CLASP1: variants seen among roughly 807,000 people sequenced by gnomAD.
CLASP1 encodes the protein CLIP-associating protein 1.
CLASP1 carries 38 observed loss-of-function variants against 192.3 expected under a neutral mutation model. That is an observed-to-expected ratio of 0.20 (90% confidence interval 0.15 to 0.26). The LOEUF (loss-of-function observed/expected upper bound fraction) is 0.26, where lower values mean the gene tolerates loss of function less well. CLASP1 is among the 10% of genes least tolerant of loss of function. The probability of loss-of-function intolerance (pLI) is 1.00; values close to 1 mark genes in which losing one functional copy is unlikely to be tolerated. For synonymous variants in CLASP1, 691 were observed against 712.8 expected (o/e 0.97, Z 0.49); for missense variants, 1,433 against 1,932.5 (o/e 0.74, Z 4.85).
intron 8 of CLASP1, chr2:121,490,201 A>C (rs2093224449): frequency 4.9e-6 from 2 of 406,138 alleles, no homozygotes; most frequent in Admixed American, 6.2e-5. Flanking sequence ...AGGAATTATA[A>C]AATATTTAAG....
intron 7 of CLASP1, among the ~76,000 whole-genome samples, chr2:121,505,889 A>C (rs2093932585): frequency 1.3e-5 from 2 of 152,086 alleles, no homozygotes; most frequent in Non-Finnish European, 2.9e-5. Context: ...ATTTCCTGGA[A>C]GCAAATACTT....
chr2:121,628,914 T>C (rs936943346), intron 1 of CLASP1, among the ~76,000 whole-genome samples: 5 of 149,162 alleles, frequency 3.4e-5, no homozygotes, highest in African/African-American at 1.2e-4. Flanking sequence ...TATACCAAAC[T>C]GAACATATCA....
At position 121,610,100 on chromosome 2, in the gene CLASP1, T is replaced by A. The variant is rs570356688; in HGVS notation, c.-285-3920A>T. Among the ~76,000 whole-genome samples the A allele has an allele frequency of 2.3e-3, 354 of 152,032 alleles. 1 individual carries two copies. The highest frequency in any genetic ancestry group is 7.4e-3 in the African/African-American group (305 of 41,440). On this transcript the variant is annotated intron_variant, in intron 1 of 39. Coordinates refer to ENST00000263710, the Ensembl canonical transcript of CLASP1. ...TGCAATTAAATCATAAAAAGAGAAA[T>A]CAAAAAATAATTGTATTTTAAAATG...
chr2:121,580,532 T>C (rs970449912), intron 2 of CLASP1, among the ~76,000 whole-genome samples: 2 of 152,244 alleles, frequency 1.3e-5, no homozygotes, highest in Non-Finnish European at 2.9e-5. Context: ...GCCTTTGCTG[T>C]ATTTAAATTT....
chr2:121,439,336 G>A (rs1239716864), intron 19 of CLASP1, among the ~76,000 whole-genome samples: 1 of 151,994 alleles, frequency 6.6e-6, no homozygotes, highest in African/African-American at 2.4e-5. Flanking sequence ...CTTCAGTTCT[G>A]CTCTGATTTT....
At chr2:121,565,217 C>G (rs578061150) in intron 2 of CLASP1, among the ~76,000 whole-genome samples, 2 of 152,162 alleles carry the variant, frequency 1.3e-5, no homozygotes, top group African/African-American at 4.8e-5. Context: ...TCCCAGGCTA[C>G]GTGGATATAG....
exon 28 of CLASP1, chr2:121,401,648 G>A: frequency 6.2e-7 from 1 of 1,611,064 alleles, no homozygotes; most frequent in South Asian, 1.1e-5. Context: ...AAATCCACAA[G>A]AGTCTCCAAA....
intron 23 of CLASP1, among the ~76,000 whole-genome samples, chr2:121,416,358 T>TA (rs2149540086): frequency 6.6e-6 from 1 of 152,304 alleles, no homozygotes; most frequent in Admixed American, 6.5e-5. Context: ...TCCAAAACAA[T>TA]AAAAATGCAA....
At chr2:121,445,263 T>C (rs2084108332) in intron 19 of CLASP1, among the ~76,000 whole-genome samples, 1 of 152,122 alleles carries the variant, frequency 6.6e-6, no homozygotes, top group South Asian at 2.1e-4. Flanking sequence ...CCAACTCTCA[T>C]CCTCTTAAGA....
chr2:121,633,116 A>G (rs2070114895), intron 1 of CLASP1, among the ~76,000 whole-genome samples: 1 of 151,430 alleles, frequency 6.6e-6, no homozygotes, highest in African/African-American at 2.4e-5. Context: ...AGAGAAACTT[A>G]AATTTTTAAT....
At chr2:121,475,000 A>C (rs2091427294) in intron 8 of CLASP1, among the ~76,000 whole-genome samples, 1 of 152,256 alleles carries the variant, frequency 6.6e-6, no homozygotes, top group South Asian at 2.1e-4. Flanking sequence ...ACACATGCAC[A>C]TAAAAACCCC....
chr2:121,447,258 G>C (rs2084531360), intron 19 of CLASP1, 79 bp downstream of exon 19: 1 of 1,298,238 alleles, frequency 7.7e-7, no homozygotes, highest in Non-Finnish European at 1.1e-6. Flanking sequence ...TCAATCATGG[G>C]TTTGTATTTT....
intron 23 of CLASP1, among the ~76,000 whole-genome samples, chr2:121,412,152 T>C (rs571501223): frequency 6.6e-6 from 1 of 152,318 alleles, no homozygotes; most frequent in Admixed American, 6.5e-5. Flanking sequence ...TATTTAGCTT[T>C]TTAAAAATGT....
At chr2:121,383,534 C>G (rs546504554) in intron 32 of CLASP1, among the ~76,000 whole-genome samples, 35 of 151,906 alleles carry the variant, frequency 2.3e-4, no homozygotes, top group Non-Finnish European at 4.6e-4. Flanking sequence ...CCTGTTAAGC[C>G]CCACTTTGAT....
chr2:121,397,859 C>G (rs2075542263), intron 29 of CLASP1, among the ~76,000 whole-genome samples: 1 of 152,206 alleles, frequency 6.6e-6, no homozygotes, highest in Non-Finnish European at 1.5e-5. Context: ...CTCCCTCAAA[C>G]TTGGTCTTGT....
At chr2:121,538,281 G>A (rs1575794162) in intron 2 of CLASP1, among the ~76,000 whole-genome samples, 1 of 151,924 alleles carries the variant, frequency 6.6e-6, no homozygotes, top group East Asian at 1.9e-4. Context: ...GCGTGGTGGT[G>A]CATGCCTGTA....
At chr2:121,489,287 T>G (rs993768467) in intron 8 of CLASP1, among the ~76,000 whole-genome samples, 7 of 152,208 alleles carry the variant, frequency 4.6e-5, no homozygotes, top group African/African-American at 1.4e-4. Context: ...ATTCTCAATT[T>G]AAAAATATGA....
Position 121,530,968 on chromosome 2 carries a change from A to G in CLASP1, c.196-643T>C, listed in dbSNP as rs573109856. 68 of 700,400 alleles carry G rather than the reference A, an allele frequency of 9.7e-5. No homozygotes were observed. The highest frequency in any genetic ancestry group is 5.6e-4 in the African/African-American group (32 of 57,288). 43.4% of individuals were successfully genotyped at this position (700,400 alleles called of 1,614,324 possible). ...ACGCCTGAACAACACACCCGCATCA[A>G]CTAGAGCTTTTGCTTTATTTTGGTG... On this transcript the variant is annotated intron_variant, in intron 2 of 39. Coordinates refer to ENST00000263710, the Ensembl canonical transcript of CLASP1.
In CLASP1 at chr2:121,499,988, G is replaced by A. The variant is rs80314575; in HGVS notation, c.712+3179C>T. 6.4e-3 allele frequency among the ~76,000 whole-genome samples: 971 copies of A among 152,226 alleles called. 15 individuals carry two copies. The highest frequency in any genetic ancestry group is 0.023 in the African/African-American group (939 of 41,548). Reference sequence around the variant, plus strand: ...CACAGTACTGGAAGTTCTAGCCAGTGCAATAAGGCAAGAAAAAGAAATTAA... The same window carrying A: ...CACAGTACTGGAAGTTCTAGCCAGTACAATAAGGCAAGAAAAAGAAATTAA... On this transcript the variant is annotated intron_variant, in intron 8 of 39. Coordinates refer to ENST00000263710, the Ensembl canonical transcript of CLASP1.
Sources: gnomAD v4.1 joint callset for allele counts (sites outside exome capture counted in the v4.1 genomes callset) on GRCh38, gnomAD v4.1.1 for gene constraint, MANE v1.5 for transcripts, NCBI Gene and HGNC (gene_info 2026-07-23, HGNC 2026-07-21) for gene names.